The following TSHZ2 variants were observed in gnomAD, a reference collection of about 807,000 sequenced individuals.
TSHZ2 encodes the protein teashirt zinc finger homeobox 2.
In TSHZ2, 21 loss-of-function variants were observed where a neutral mutation model predicts 74.4. The observed-to-expected ratio is 0.28, with a 90% confidence interval of 0.20 to 0.41. The LOEUF is 0.41. TSHZ2 is among the 10% of genes least tolerant of loss of function. TSHZ2 has a pLI of 1.00. For missense variants in TSHZ2, 1,244 were observed against 1,293.5 expected (o/e 0.96, Z 0.59); for synonymous variants, 540 against 515.3 (o/e 1.05, Z -0.65).
chr20:53,008,983 CTCTCTCTCTCTCTCTCTCT>C (rs1982749674), intron 1 of TSHZ2, among the ~76,000 whole-genome samples: 1 of 7,222 alleles, frequency 1.4e-4, no homozygotes, highest in Non-Finnish European at 9.5e-4. Context: ...TCTTTCTCCT[CTCTCTCTCTCTCTCTCTCT>C]CTCTCTCTCT....
chr20:53,357,040 C>G (rs1980872465), intron 2 of TSHZ2, among the ~76,000 whole-genome samples: 1 of 151,972 alleles, frequency 6.6e-6, no homozygotes, highest in African/African-American at 2.4e-5. Flanking sequence ...TTTTAAATCC[C>G]TAAAACACAA....
chr20:53,420,545 T>C (rs1983431813), intron 2 of TSHZ2, among the ~76,000 whole-genome samples: 1 of 151,994 alleles, frequency 6.6e-6, no homozygotes, highest in Non-Finnish European at 1.5e-5. Context: ...GCTAACACGG[T>C]GAAACCCCAT....
intron 1 of TSHZ2, among the ~76,000 whole-genome samples, chr20:53,000,543 G>GA (rs535871870): frequency 3.9e-5 from 6 of 152,072 alleles, no homozygotes; most frequent in Non-Finnish European, 2.9e-5. Flanking sequence ...CCAATGTAAA[G>GA]AAAAAAATGA....
chr20:53,176,162 G>C (rs1988332137), intron 1 of TSHZ2, among the ~76,000 whole-genome samples: 1 of 152,112 alleles, frequency 6.6e-6, no homozygotes, highest in South Asian at 2.1e-4. Context: ...TCATCTTCAG[G>C]CTTTTCCCTC....
chr20:52,999,858 A>G (rs1982347412), intron 1 of TSHZ2, among the ~76,000 whole-genome samples: 2 of 152,198 alleles, frequency 1.3e-5, no homozygotes, highest in African/African-American at 4.8e-5. Flanking sequence ...TGAAATAATA[A>G]CACCATCTAG....
chr20:53,183,039 C>T (rs1246113956), intron 1 of TSHZ2, among the ~76,000 whole-genome samples: 1 of 152,172 alleles, frequency 6.6e-6, no homozygotes, highest in African/African-American at 2.4e-5. Flanking sequence ...AAAAGACATG[C>T]AAGCAATGAG....
At chr20:53,064,346 G>C (rs1984910830) in intron 1 of TSHZ2, among the ~76,000 whole-genome samples, 1 of 152,290 alleles carries the variant, frequency 6.6e-6, no homozygotes, top group East Asian at 1.9e-4. Context: ...GTGAGGGCTA[G>C]GTTCTGAAGC....
At chr20:53,099,096 C>G (rs1277572430) in intron 1 of TSHZ2, among the ~76,000 whole-genome samples, 1 of 152,164 alleles carries the variant, frequency 6.6e-6, no homozygotes, top group Non-Finnish European at 1.5e-5. Context: ...ACCTCCCCCA[C>G]CACCTCCCAG....
At chr20:53,119,379 T>C (rs940399875) in intron 1 of TSHZ2, among the ~76,000 whole-genome samples, 1 of 152,154 alleles carries the variant, frequency 6.6e-6, no homozygotes, top group Non-Finnish European at 1.5e-5. Context: ...CTTAAGCAAA[T>C]AGGGACGAGA....
At chr20:53,289,070 G>A (rs919182922) in intron 2 of TSHZ2, among the ~76,000 whole-genome samples, 3 of 152,038 alleles carry the variant, frequency 2.0e-5, no homozygotes, top group Admixed American at 2.0e-4. Context: ...TACAATATTT[G>A]GTTTTCCATT....
chr20:53,050,120 TATATAC>T (rs1225415721), intron 1 of TSHZ2, among the ~76,000 whole-genome samples: 1 of 74,592 alleles, frequency 1.3e-5, no homozygotes, highest in South Asian at 4.8e-4. Flanking sequence ...TATATATATA[TATATAC>T]ACATATATAT....
intron 1 of TSHZ2, among the ~76,000 whole-genome samples, chr20:53,150,865 C>T (rs890044289): frequency 6.6e-6 from 1 of 152,190 alleles, no homozygotes; most frequent in African/African-American, 2.4e-5. Flanking sequence ...TGAAATTGGG[C>T]TGGCTTAGGT....
At chr20:53,308,242 T>G (rs932964187) in intron 2 of TSHZ2, among the ~76,000 whole-genome samples, 1 of 152,220 alleles carries the variant, frequency 6.6e-6, no homozygotes, top group Non-Finnish European at 1.5e-5. Context: ...AGAGCAGCAT[T>G]CAGTCCTTTT....
At chr20:53,461,691 C>A (rs751001071) in intron 2 of TSHZ2, 4 of 152,210 alleles carry the variant, frequency 2.6e-5, no homozygotes, top group Admixed American at 1.3e-4. Context: ...CTCCTGCATG[C>A]CCTTGTTGGA....
intron 1 of TSHZ2, among the ~76,000 whole-genome samples, chr20:52,991,327 G>A (rs528701102): frequency 7.0e-6 from 1 of 143,304 alleles, no homozygotes; most frequent in African/African-American, 2.6e-5. Flanking sequence ...TGTGTGTTGT[G>A]GGGGGAGAGA....
At chr20:53,301,056 C>T (rs144425377) in intron 2 of TSHZ2, among the ~76,000 whole-genome samples, 5 of 152,072 alleles carry the variant, frequency 3.3e-5, no homozygotes, top group South Asian at 2.1e-4. Flanking sequence ...TTCACGTCCC[C>T]GGTTCAAGCA....
intron 2 of TSHZ2, among the ~76,000 whole-genome samples, chr20:53,359,892 A>C (rs1205614762): frequency 6.6e-6 from 1 of 152,240 alleles, no homozygotes. Flanking sequence ...AGTCAGTCTT[A>C]TTAGTGCATT....
chr20:53,325,126 G>C (rs1204196240), intron 2 of TSHZ2, among the ~76,000 whole-genome samples: 2 of 152,190 alleles, frequency 1.3e-5, no homozygotes, highest in African/African-American at 4.8e-5. Context: ...GGAGATCCAT[G>C]TTTTTCCACC....
At position 52,999,208 on chromosome 20, in the gene TSHZ2, C is replaced by T. The variant is rs1600638158; in HGVS notation, c.40+25875C>T. Among the ~76,000 whole-genome samples, 4 of 152,278 alleles carry T rather than the reference C, an allele frequency of 2.6e-5. No homozygotes were observed. In the South Asian group the frequency reaches 8.3e-4, roughly 32 times the overall value. ...GTGGTTCTCCAAGATGCACAGAGTT[C>T]CCGATTCACCTCCTTAACACAGATC... On this transcript the variant is annotated intron_variant, in intron 1 of 2. Transcript: ENST00000371497.
Sources: allele counts gnomAD v4.1 joint callset (sites outside exome capture counted in the v4.1 genomes callset), GRCh38; gene constraint gnomAD v4.1.1; transcripts MANE v1.5; gene names NCBI Gene and HGNC (gene_info 2026-07-23, HGNC 2026-07-21).